HTR1F: variants seen among roughly 807,000 people sequenced by gnomAD.
The protein encoded by HTR1F is 5-hydroxytryptamine receptor 1F, also known as 5-hydroxytryptamine (serotonin) receptor 1F, G protein-coupled.
Under a neutral mutation model 24.0 loss-of-function variants are expected in HTR1F, and 17 were observed. That is an observed-to-expected ratio of 0.71 (90% CI 0.48 to 1.06). HTR1F has a LOEUF of 1.06. Among genes scored for constraint, HTR1F ranks in the 50% least tolerant of loss-of-function variants. HTR1F has a pLI of 0.00. For synonymous variants in HTR1F, 186 were observed against 156.8 expected, an observed-to-expected ratio of 1.19 and a Z score of -1.39; for missense variants, 391 against 427.8, an observed-to-expected ratio of 0.91 and a Z score of 0.76.
intron 2 of HTR1F, among the ~76,000 whole-genome samples, chr3:87,911,815 C>T (rs1190648201): frequency 6.6e-6 from 1 of 152,042 alleles, no homozygotes; most frequent in Non-Finnish European, 1.5e-5. Context: ...AAGATGAAAA[C>T]TATGATTGTC....
rs1332542246 is a variant in HTR1F at position 87,853,107 on chromosome 3, CTTT to C, written c.-43+30984_-43+30986del. 1.9e-4 allele frequency among the ~76,000 whole-genome samples: 29 copies of C among 150,352 alleles called. 1 individual carries two copies. Among genetic ancestry groups the C allele is most frequent in the African/African-American group, 7.0e-4 (28 of 40,052 alleles). On this transcript the variant is annotated intron_variant, in intron 2 of 2. Coordinates refer to ENST00000319595, the MANE Select transcript of HTR1F (RefSeq NM_001322209.2). ...CTATAGACTCCCACTCCGCTAGTTT[CTTT>C]GTTTGTTATAAACTCATGTCATGCG...
In HTR1F at chr3:87,991,677, T is replaced by G. The variant is rs1327503663; in HGVS notation, c.928T>G (p.Phe310Val). The G allele has an allele frequency of 6.2e-7, 1 of 1,613,406 alleles. No homozygotes were observed. Among genetic ancestry groups the G allele is most frequent in the Non-Finnish European group, 8.5e-7 (1 of 1,179,782 alleles). Residue 310 changes from phenylalanine to valine, a missense_variant, in exon 3 of 3, where the codon TTT (phenylalanine) becomes GTT (valine). Coordinates refer to ENST00000319595, the MANE Select transcript of HTR1F (RefSeq NM_001322209.2). ...ATTTGTAATATGTTGGCTTCCTTTTTTTGTAAAAGAATTAGTTGTTAATGT... is the reference window on the plus strand; with the variant it reads ...ATTTGTAATATGTTGGCTTCCTTTTGTTGTAAAAGAATTAGTTGTTAATGT... ...GAFVICWLPF[F>V]VKELVVNVCD...
chr3:87,896,314 A>G (rs985215515), intron 2 of HTR1F, among the ~76,000 whole-genome samples: 48 of 152,332 alleles, frequency 3.2e-4, no homozygotes, highest in African/African-American at 9.9e-4. Flanking sequence ...CAGGCTTCAG[A>G]AAAGGGACAT....
At chr3:87,820,147 A>G (rs1031225590) in intron 1 of HTR1F, among the ~76,000 whole-genome samples, 21 of 151,892 alleles carry the variant, frequency 1.4e-4, no homozygotes, top group Non-Finnish European at 2.8e-4. Flanking sequence ...AAAGATTCCA[A>G]TAACTTGGTT....
intron 1 of HTR1F, among the ~76,000 whole-genome samples, chr3:87,813,267 T>A (rs1704191048): frequency 6.6e-6 from 1 of 152,196 alleles, no homozygotes; most frequent in African/African-American, 2.4e-5. Flanking sequence ...ATTTGAGACA[T>A]GGAGTCAAAA....
rs1207841970 is a variant in HTR1F, at chr3:87,865,464, C to T, written c.-43+43340C>T. 2.6e-5 allele frequency among the ~76,000 whole-genome samples: 4 copies of T among 151,790 alleles called. No homozygotes were observed. In the East Asian group the frequency reaches 7.7e-4, roughly 29 times the overall value. ...CCGACAATCACCTTATGCCATCTCC[C>T]AGTCACCATAAACCCTCTTCCCTAA... On this transcript the variant is annotated intron_variant, in intron 2 of 2. Coordinates refer to ENST00000319595, the MANE Select transcript of HTR1F (RefSeq NM_001322209.2).
At chr3:87,935,489 C>A (rs1376248867) in intron 2 of HTR1F, among the ~76,000 whole-genome samples, 1 of 150,718 alleles carries the variant, frequency 6.6e-6, no homozygotes, top group South Asian at 2.1e-4. Context: ...AGATCTTCCA[C>A]TAAATGAGAA....
At chr3:87,854,326 G>T (rs1462988442) in intron 2 of HTR1F, among the ~76,000 whole-genome samples, 2 of 151,692 alleles carry the variant, frequency 1.3e-5, no homozygotes, top group Non-Finnish European at 2.9e-5. Flanking sequence ...CTCATTAGTT[G>T]TTTTGAGTTA....
chr3:87,814,086 G>T (rs1403979842), intron 1 of HTR1F, among the ~76,000 whole-genome samples: 6 of 152,106 alleles, frequency 3.9e-5, no homozygotes, highest in African/African-American at 1.4e-4. Context: ...TAAAGGTAAA[G>T]GGTGCCTTGT....
intron 1 of HTR1F, among the ~76,000 whole-genome samples, chr3:87,800,047 C>T (rs1458080241): frequency 2.0e-5 from 3 of 152,178 alleles, no homozygotes; most frequent in Non-Finnish European, 4.4e-5. Context: ...TCATTACTTA[C>T]TTATTCAATA....
At chr3:87,946,282 C>T (rs1374382343) in intron 2 of HTR1F, among the ~76,000 whole-genome samples, 1 of 152,066 alleles carries the variant, frequency 6.6e-6, no homozygotes, top group Non-Finnish European at 1.5e-5. Context: ...TCAGCTCGAA[C>T]CATAACAAAC....
intron 2 of HTR1F, among the ~76,000 whole-genome samples, chr3:87,983,544 G>A (rs143882036): frequency 6.6e-6 from 1 of 152,102 alleles, no homozygotes; most frequent in East Asian, 1.9e-4. Context: ...CTTTACACCT[G>A]CTCCTGAACC....
chr3:87,951,614 G>C (rs372733860), intron 2 of HTR1F, among the ~76,000 whole-genome samples: 5 of 152,098 alleles, frequency 3.3e-5, no homozygotes, highest in Admixed American at 6.5e-5. Flanking sequence ...TCCCCCACAA[G>C]AGTAGGATAT....
intron 2 of HTR1F, among the ~76,000 whole-genome samples, chr3:87,979,133 G>GAGGA (rs1705485947): frequency 1.3e-5 from 1 of 79,106 alleles, no homozygotes; most frequent in African/African-American, 4.8e-5. Context: ...GGGAGGGAGG[G>GAGGA]AGGGAGGGAG....
intron 1 of HTR1F, among the ~76,000 whole-genome samples, chr3:87,813,555 G>A (rs1486197304): frequency 1.3e-5 from 2 of 152,210 alleles, no homozygotes; most frequent in African/African-American, 2.4e-5. Context: ...CGTTGGGAAG[G>A]CATGATTGGT....
rs146031916 is a variant in HTR1F at position 87,806,053 on chromosome 3, C to T, written c.-160+13211C>T. ...GGCTTATTTCACTCAACATAATGACCGCCAGTTCCATGCACATGACTGCAA... is the reference window on the plus strand; with the variant it reads ...GGCTTATTTCACTCAACATAATGACTGCCAGTTCCATGCACATGACTGCAA... On this transcript the variant is annotated intron_variant, in intron 1 of 2. Coordinates refer to ENST00000319595, the MANE Select transcript of HTR1F (RefSeq NM_001322209.2). Among the ~76,000 whole-genome samples, 46 of 151,978 alleles carry T rather than the reference C, an allele frequency of 3.0e-4. No homozygotes were observed. The East Asian group carries it at 8.1e-3, about 27-fold the overall frequency.
intron 2 of HTR1F, among the ~76,000 whole-genome samples, chr3:87,896,194 C>T (rs1706195686): frequency 1.3e-5 from 2 of 152,158 alleles, no homozygotes; most frequent in East Asian, 1.9e-4. Context: ...ATCAATCTCA[C>T]CTCAGGGACA....
chr3:87,922,199 T>C (rs1418448978), intron 2 of HTR1F, among the ~76,000 whole-genome samples: 3 of 151,952 alleles, frequency 2.0e-5, no homozygotes, highest in Non-Finnish European at 2.9e-5. Flanking sequence ...GTTATTTTTG[T>C]TTTTTGTATA....
At chr3:87,893,970 C>T (rs1348743276) in intron 2 of HTR1F, among the ~76,000 whole-genome samples, 1 of 151,938 alleles carries the variant, frequency 6.6e-6, no homozygotes, top group African/African-American at 2.4e-5. Context: ...GTTGTTTACT[C>T]ATTTTTTTTC....
Sources: allele counts gnomAD v4.1 joint callset (sites outside exome capture counted in the v4.1 genomes callset), GRCh38; gene constraint gnomAD v4.1.1; transcripts MANE v1.5; gene names NCBI Gene and HGNC (gene_info 2026-07-23, HGNC 2026-07-21).